TADA3: variants seen among roughly 807,000 people sequenced by gnomAD.
The protein encoded by TADA3 is transcriptional adaptor 3.
In TADA3, 25 loss-of-function variants were observed where a neutral mutation model predicts 43.2. That is an observed-to-expected ratio of 0.58 (90% CI 0.42 to 0.81). The LOEUF (loss-of-function observed/expected upper bound fraction) is 0.81, where lower values mean the gene tolerates loss of function less well. Among genes scored for constraint, TADA3 ranks in the 30% least tolerant of loss-of-function variants. The pLI is 0.00. For synonymous variants in TADA3, 235 were observed against 225.5 expected (o/e 1.04, Z -0.38); for missense variants, 441 against 567.8 (o/e 0.78, Z 2.27).
intron 7 of TADA3, among the ~76,000 whole-genome samples, chr3:9,784,723 T>C (rs2078564624): frequency 6.6e-6 from 1 of 151,862 alleles, no homozygotes; most frequent in Non-Finnish European, 1.5e-5. Flanking sequence ...AAATGAGCCA[T>C]ACATGGTGGC....
In TADA3 at chr3:9,791,474, G is replaced by A. The variant is rs1396580629; in HGVS notation, c.-8C>T. ...GTCTTTCAACTCACTCATGGCCCAG[G>A]ATATGGGGATCCTGTGGAGCTGGAG... On this transcript the variant is annotated 5_prime_UTR_variant, in exon 2 of 9. Coordinates refer to ENST00000301964, the MANE Select transcript of TADA3 (RefSeq NM_006354.5). The A allele has an allele frequency of 3.1e-6, 5 of 1,599,084 alleles. No homozygotes were observed. The highest frequency in any genetic ancestry group is 4.3e-6 in the Non-Finnish European group (5 of 1,169,574).
chr3:9,783,992 G>T (rs1384913065), intron 8 of TADA3, 36 bp downstream of exon 8: 1 of 1,584,600 alleles, frequency 6.3e-7, no homozygotes, highest in Admixed American at 1.7e-5. Flanking sequence ...AGCCTCCAAG[G>T]CCACCCCCGG....
chr3:9,790,370 T>C (rs1009384549), intron 2 of TADA3, among the ~76,000 whole-genome samples: 3 of 152,216 alleles, frequency 2.0e-5, no homozygotes, highest in African/African-American at 7.2e-5. Context: ...GGAGGGTCCA[T>C]GGATTCCCAG....
Position 9,789,707 on chromosome 3 carries a change from C to T in TADA3, c.458+6G>A. ...AGGCCCCCTTCTATGTTCTCTAGCC[C>T]AGAACCTGTTGGGGGCATCATTTTT... On this transcript the variant is annotated splice_donor_region_variant and intron_variant, in intron 3 of 8. Transcript: ENST00000301964. The T allele has an allele frequency of 6.2e-7, 1 of 1,611,684 alleles. No individual in the cohort carries two copies. Among genetic ancestry groups the T allele is most frequent in the Non-Finnish European group, 8.5e-7 (1 of 1,178,150 alleles).
chr3:9,789,545 T>G lies in TADA3; in HGVS notation c.528A>C (p.Leu176Phe). The change falls in exon 4 of 9, where the codon TTA becomes TTC. Residue 176 changes from leucine to phenylalanine, a missense_variant. Physicochemically the swap from Leu to Phe is conservative, Grantham distance 22. Coordinates refer to ENST00000301964, the MANE Select transcript of TADA3 (RefSeq NM_006354.5). ...TSEEVRTLEE[L>F]LKPPEDEAEH... ...CAGCCTCATCTTCTGGGGGCTTCAG[T>G]AACTCCTCAAGTGTGCGGACCTCCT... 6.2e-7 allele frequency: 1 copy of G among 1,614,170 alleles called. No homozygotes were observed. The highest frequency in any genetic ancestry group is 8.5e-7 in the Non-Finnish European group (1 of 1,180,016).
chr3:9,787,775 A>G, intron 4 of TADA3: 1 of 1,195,174 alleles, frequency 8.4e-7, no homozygotes, highest in Non-Finnish European at 1.1e-6. Flanking sequence ...GAGAGATCAA[A>G]GTGTTGTGGC....
intron 7 of TADA3, among the ~76,000 whole-genome samples, chr3:9,784,991 A>AT (rs1475001399): frequency 6.6e-6 from 1 of 152,242 alleles, no homozygotes; most frequent in African/African-American, 2.4e-5. Flanking sequence ...TTTTCATGTC[A>AT]TTTAACTATA....
intron 2 of TADA3, among the ~76,000 whole-genome samples, chr3:9,790,969 C>T (rs2078715778): frequency 6.6e-6 from 1 of 152,196 alleles, no homozygotes; most frequent in Admixed American, 6.5e-5. Context: ...AGCTCCCTGA[C>T]AGCCATAACT....
At chr3:9,780,620 C>G in intron 8 of TADA3, 71 bp from the exon 9 acceptor site, 2 of 1,472,650 alleles carry the variant, frequency 1.4e-6, no homozygotes, top group Non-Finnish European at 9.1e-7. Context: ...TCTTCAAGAC[C>G]GAGCCTACCC....
intron 6 of TADA3, among the ~76,000 whole-genome samples, chr3:9,785,672 T>C (rs1318158922): frequency 5.3e-5 from 8 of 152,234 alleles, no homozygotes; most frequent in African/African-American, 1.9e-4. Context: ...ATGATGGTAA[T>C]GAACAGCTAA....
Position 9,787,120 on chromosome 3 carries a change from A to C in TADA3, c.707-11T>G, listed in dbSNP as rs754835460. The C allele has an allele frequency of 6.8e-6, 11 of 1,614,074 alleles. No homozygotes were observed. The highest frequency in any genetic ancestry group is 1.7e-5 in the Admixed American group (1 of 59,996). Reference sequence around the variant, plus strand: ...GCAGGGCATCCACATCTAAGCGGGCACAGGAAAGGAGGGGAGGTGGGCTGA... The same window carrying C: ...GCAGGGCATCCACATCTAAGCGGGCCCAGGAAAGGAGGGGAGGTGGGCTGA... On this transcript the variant is annotated splice_polypyrimidine_tract_variant and intron_variant, in intron 5 of 8. Coordinates refer to ENST00000301964, the MANE Select transcript of TADA3 (RefSeq NM_006354.5).
At chr3:9,788,447 G>A (rs1295151007) in intron 4 of TADA3, among the ~76,000 whole-genome samples, 6 of 151,158 alleles carry the variant, frequency 4.0e-5, no homozygotes, top group African/African-American at 1.2e-4. Context: ...GGGTTTCACC[G>A]TGTTAGCCAG....
intron 2 of TADA3, among the ~76,000 whole-genome samples, chr3:9,790,924 G>C (rs1042126957): frequency 2.0e-5 from 3 of 152,056 alleles, no homozygotes; most frequent in African/African-American, 7.2e-5. Flanking sequence ...ACATCACCTG[G>C]TATGTACTTG....
chr3:9,787,715 A>T, intron 4 of TADA3: 1 of 1,308,828 alleles, frequency 7.6e-7, no homozygotes, highest in South Asian at 1.2e-5. Flanking sequence ...TGTCTGTATG[A>T]ACTCTTTTTC....
At chr3:9,790,788 C>CA (rs557600618) in intron 2 of TADA3, among the ~76,000 whole-genome samples, 2 of 152,188 alleles carry the variant, frequency 1.3e-5, no homozygotes, top group Non-Finnish European at 2.9e-5. Flanking sequence ...AACTGACACT[C>CA]AGAGATATGA....
In TADA3 at chr3:9,787,358, C is replaced by T. The variant is rs1197495122; in HGVS notation, c.565-18G>A. The T allele has an allele frequency of 2.5e-6, 4 of 1,596,784 alleles. No homozygotes were observed. Among genetic ancestry groups the T allele is most frequent in the African/African-American group, 1.3e-5 (1 of 74,376 alleles). On this transcript the variant is annotated intron_variant, in intron 4 of 8. Transcript: ENST00000301964. ...GGTGGGATCTGTGGAAAAGATGGCA[C>T]CCAACCCTGAGTGGGTAAGCACTGG...
chr3:9,780,701 C>T, intron 8 of TADA3, 152 bp from the exon 9 acceptor site: 1 of 693,380 alleles, frequency 1.4e-6, no homozygotes, highest in East Asian at 2.7e-5. Context: ...CTGACCTACA[C>T]TTACATGGCA....
chr3:9,780,651 C>G, intron 8 of TADA3, 102 bp from the exon 9 acceptor site: 1 of 1,260,734 alleles, frequency 7.9e-7, no homozygotes, highest in South Asian at 1.4e-5. Context: ...GCTGGCATGC[C>G]TGTGGATTGT....
Position 9,791,594 on chromosome 3 carries a change from CCTTA to C in TADA3, c.-27-105_-27-102del, listed in dbSNP as rs1201638544. The C allele has an allele frequency of 2.2e-5, 15 of 672,074 alleles. No individual in the cohort carries two copies. The African/African-American group carries it at 2.4e-4, about 11-fold the overall frequency. The allele number at this position is 672,074 out of a possible 1,614,324, so 41.6% of individuals were successfully genotyped here. On this transcript the variant is annotated intron_variant, in intron 1 of 8. Coordinates refer to ENST00000301964, the MANE Select transcript of TADA3 (RefSeq NM_006354.5). ...GCCTCAAGGAAGCCCAGCTTCAGTCCCTTACTGACAAAATTGATGGCACAGTTCC... is the reference window on the plus strand; with the variant it reads ...GCCTCAAGGAAGCCCAGCTTCAGTCCCTGACAAAATTGATGGCACAGTTCC...
Sources: allele counts gnomAD v4.1 joint callset (sites outside exome capture counted in the v4.1 genomes callset), GRCh38; gene constraint gnomAD v4.1.1; transcripts MANE v1.5; gene names NCBI Gene and HGNC (gene_info 2026-07-23, HGNC 2026-07-21).